Variants in FAM177A1 observed in about 807,000 individuals in gnomAD.
FAM177A1 encodes the protein protein FAM177A1.
Under a neutral mutation model 26.1 loss-of-function variants are expected in FAM177A1, and 22 were observed. That is an observed-to-expected ratio of 0.84 (90% CI 0.60 to 1.20). FAM177A1 has a LOEUF of 1.20. Ranked by LOEUF, FAM177A1 falls within the 50% of genes most tolerant of loss-of-function variation. The pLI, the probability that FAM177A1 is intolerant of heterozygous loss-of-function variation, is 0.00. For missense variants in FAM177A1, 296 were observed against 291.1 expected, an observed-to-expected ratio of 1.02 and a Z score of -0.12; for synonymous variants, 95 against 99.3, an observed-to-expected ratio of 0.96 and a Z score of 0.26.
chr14:35,081,256 CTTAAG>C lies in FAM177A1; in HGVS notation c.*31_*35del, dbSNP rs768278595. On this transcript the variant is annotated 3_prime_UTR_variant, in exon 5 of 5. Coordinates refer to ENST00000280987, the MANE Select transcript of FAM177A1 (RefSeq NM_173607.5). ...TGAAATGACTATCAAGCTTCAAACT[CTTAAG>C]TTTTTTTTTTTTAATACAAAAACTT... 51 of 1,561,114 alleles carry C rather than the reference CTTAAG, an allele frequency of 3.3e-5. No individual in the cohort carries two copies. The highest frequency in any genetic ancestry group is 2.1e-4 in the South Asian group (17 of 81,984).
intron 1 of FAM177A1, among the ~76,000 whole-genome samples, chr14:35,049,378 C>G (rs2044927370): frequency 6.6e-6 from 1 of 152,190 alleles, no homozygotes; most frequent in African/African-American, 2.4e-5. Context: ...TACCTACCCC[C>G]ATGTTGCTAA....
At chr14:35,065,357 CTTTTT>C (rs1181451849) in intron 2 of FAM177A1, among the ~76,000 whole-genome samples, 2 of 91,884 alleles carry the variant, frequency 2.2e-5, no homozygotes, top group Non-Finnish European at 4.3e-5. Flanking sequence ...TCCATTGAAT[CTTTTT>C]TTTTTTTTTT....
At chr14:35,074,231 G>A (rs1338236646) in intron 2 of FAM177A1, among the ~76,000 whole-genome samples, 1 of 152,136 alleles carries the variant, frequency 6.6e-6, no homozygotes, top group Non-Finnish European at 1.5e-5. Flanking sequence ...TGCAACCTCC[G>A]CCTCCCGGGT....
rs1382168575 is a variant in FAM177A1 at position 35,077,361 on chromosome 14, A to G, written c.406+145A>G. The G allele has an allele frequency of 7.2e-6, 5 of 699,146 alleles. No homozygotes were observed. The Admixed American group carries it at 1.2e-4, about 16-fold the overall frequency. The allele number at this position is 699,146 out of a possible 1,614,324, so 43.3% of individuals were successfully genotyped here. On this transcript the variant is annotated intron_variant, in intron 3 of 4. Coordinates refer to ENST00000280987, the MANE Select transcript of FAM177A1 (RefSeq NM_173607.5). ...CAAGAGCTAGCTAGCATTGGGAGATAGTAACCTAACTTGTACTTCACATTA... is the reference window on the plus strand; with the variant it reads ...CAAGAGCTAGCTAGCATTGGGAGATGGTAACCTAACTTGTACTTCACATTA...
chr14:35,076,448 G>T lies in FAM177A1; in HGVS notation c.340-702G>T, dbSNP rs567736187. On this transcript the variant is annotated intron_variant, in intron 2 of 4. Transcript: ENST00000280987. ...CACACACTGGGGCCTGTTGTGGGGTGGGGGGAGCGGGGAGGGATAGCATTA... is the reference window on the plus strand; with the variant it reads ...CACACACTGGGGCCTGTTGTGGGGTTGGGGGAGCGGGGAGGGATAGCATTA... 3.1e-3 allele frequency among the ~76,000 whole-genome samples: 465 copies of T among 152,030 alleles called. 2 individuals are homozygous for T. The highest frequency in any genetic ancestry group is 0.017 in the Middle Eastern group (5 of 294).
chr14:35,051,902 T>C (rs552678558), intron 1 of FAM177A1, among the ~76,000 whole-genome samples: 2 of 152,388 alleles, frequency 1.3e-5, no homozygotes, highest in East Asian at 3.9e-4. Flanking sequence ...TTTATCAGTA[T>C]AATCCTTTTT....
chr14:35,072,446 T>TGGCAGGAGGTGGAAGGGGA (rs2045336949), intron 2 of FAM177A1, among the ~76,000 whole-genome samples: 1 of 152,170 alleles, frequency 6.6e-6, no homozygotes, highest in Non-Finnish European at 1.5e-5. Flanking sequence ...GTGTTAGGCA[T>TGGCAGGAGGTGGAAGGGGA]GGCAGGAGGT....
intron 2 of FAM177A1, among the ~76,000 whole-genome samples, chr14:35,073,163 T>G (rs1331090595): frequency 6.6e-6 from 1 of 152,096 alleles, no homozygotes; most frequent in Admixed American, 6.6e-5. Flanking sequence ...CTCCATCTCC[T>G]GGGTTCAAGC....
At chr14:35,075,068 A>T (rs1186085527) in intron 2 of FAM177A1, among the ~76,000 whole-genome samples, 3 of 152,122 alleles carry the variant, frequency 2.0e-5, no homozygotes, top group Non-Finnish European at 2.9e-5. Context: ...TTATTAATGC[A>T]TTTGATTCCT....
At chr14:35,073,349 C>T (rs545868780) in intron 2 of FAM177A1, among the ~76,000 whole-genome samples, 9 of 152,298 alleles carry the variant, frequency 5.9e-5, no homozygotes, top group East Asian at 1.9e-4. Flanking sequence ...GGATTATAGG[C>T]GTAAGCCACC....
chr14:35,051,122 A>C (rs1428316339), intron 1 of FAM177A1, among the ~76,000 whole-genome samples: 2 of 151,990 alleles, frequency 1.3e-5, no homozygotes, highest in African/African-American at 4.8e-5. Flanking sequence ...AAGATAGTTT[A>C]TTATTTTTAT....
At position 35,077,145 on chromosome 14, in the gene FAM177A1, T is replaced by TG. The variant is rs1311528633; in HGVS notation, c.340-4dup. On this transcript the variant is annotated splice_region_variant and splice_polypyrimidine_tract_variant and intron_variant, in intron 2 of 4. Transcript: ENST00000280987. The stretch of plus-strand genomic sequence containing the variant: ...GAATGTTGCTAACATGATTTCTTGT[T>TG]GCAGACAAAACTTACCTGGGGTCCC... The TG allele has an allele frequency of 2.5e-6, 4 of 1,612,160 alleles. No individual in the cohort carries two copies. Among genetic ancestry groups the TG allele is most frequent in the Middle Eastern group, 3.3e-4 (2 of 6,062 alleles).
chr14:35,081,988 G>C lies in FAM177A1; in HGVS notation c.*760G>C, dbSNP rs1030836935. 1 of 152,160 alleles carries C rather than the reference G, an allele frequency of 6.6e-6. No homozygotes were observed. The highest frequency in any genetic ancestry group is 6.6e-5 in the Admixed American group (1 of 15,262). 9.4% of individuals were successfully genotyped at this position (152,160 alleles called of 1,614,324 possible). On this transcript the variant is annotated 3_prime_UTR_variant, in exon 5 of 5. Transcript: ENST00000280987. ...TTCAGCGTTAATCCTATAGAAAAGTGGTTTGGAGGGGATTGGGGGATAGTG... is the reference window on the plus strand; with the variant it reads ...TTCAGCGTTAATCCTATAGAAAAGTCGTTTGGAGGGGATTGGGGGATAGTG...
rs1486702240 is a variant in FAM177A1, at chr14:35,083,343, T to C, written c.*2115T>C. On this transcript the variant is annotated 3_prime_UTR_variant, in exon 5 of 5. Transcript: ENST00000280987. ...ATTCACTGTGCCTTAAGTTTATACT[T>C]TGTTTATGCAAACTATAAAATTTCC... 1 of 152,690 alleles carries C rather than the reference T, an allele frequency of 6.5e-6. No homozygotes were observed. Among genetic ancestry groups the C allele is most frequent in the Non-Finnish European group, 1.5e-5 (1 of 68,038 alleles). 9.5% of individuals were successfully genotyped at this position (152,690 alleles called of 1,614,324 possible).
chr14:35,049,036 G>A (rs569164208), intron 1 of FAM177A1, among the ~76,000 whole-genome samples: 16 of 151,996 alleles, frequency 1.1e-4, no homozygotes, highest in Admixed American at 3.3e-4. Flanking sequence ...GACTACAGGC[G>A]CACGCAACCA....
intron 1 of FAM177A1, among the ~76,000 whole-genome samples, chr14:35,049,760 G>C (rs925284216): frequency 2.6e-5 from 4 of 152,108 alleles, no homozygotes; most frequent in Admixed American, 1.3e-4. Context: ...ATTCCAGCCT[G>C]GATGACAGAG....
At chr14:35,054,216 A>G (rs1458031461) in intron 2 of FAM177A1, among the ~76,000 whole-genome samples, 2 of 152,124 alleles carry the variant, frequency 1.3e-5, no homozygotes, top group Non-Finnish European at 1.5e-5. Flanking sequence ...CTCCATCTCA[A>G]AAACAAAACA....
At chr14:35,060,267 G>A (rs756491002) in intron 2 of FAM177A1, among the ~76,000 whole-genome samples, 1 of 152,112 alleles carries the variant, frequency 6.6e-6, no homozygotes, top group South Asian at 2.1e-4. Context: ...GAGCCACTGC[G>A]CCTGGCCAGT....
At chr14:35,052,832 G>C (rs2044995885) in intron 1 of FAM177A1, among the ~76,000 whole-genome samples, 1 of 152,018 alleles carries the variant, frequency 6.6e-6, no homozygotes, top group South Asian at 2.1e-4. Flanking sequence ...GGACACAGAA[G>C]GATCACTTGA....
Sources: gnomAD v4.1 joint callset for allele counts (sites outside exome capture counted in the v4.1 genomes callset) on GRCh38, gnomAD v4.1.1 for gene constraint, MANE v1.5 for transcripts, NCBI Gene and HGNC (gene_info 2026-07-23, HGNC 2026-07-21) for gene names.